Variants in ELF1 observed in about 807,000 individuals in gnomAD.
ELF1 encodes the protein ETS-related transcription factor Elf-1.
A neutral mutation model predicts 59.9 loss-of-function variants in ELF1; 24 were observed. The observed-to-expected ratio is 0.40, with a 90% CI of 0.29 to 0.56. The LOEUF is 0.56. Ranked by LOEUF, ELF1 falls within the 20% of genes least tolerant of loss-of-function variation. ELF1 has a pLI of 0.44. For missense variants in ELF1, 627 were observed against 742.2 expected (o/e 0.84, Z 1.80); for synonymous variants, 248 against 266.2 (o/e 0.93, Z 0.67).
intron 1 of ELF1, among the ~76,000 whole-genome samples, chr13:41,053,968 T>C (rs919554416): frequency 1.3e-5 from 2 of 152,076 alleles, no homozygotes; most frequent in Non-Finnish European, 1.5e-5. Context: ...CACTTTCACT[T>C]AGCCAAAAAA....
intron 1 of ELF1, among the ~76,000 whole-genome samples, chr13:41,046,921 C>T (rs1340856047): frequency 2.0e-5 from 3 of 152,180 alleles, no homozygotes; most frequent in Non-Finnish European, 4.4e-5. Context: ...TTCAGGTACA[C>T]CAATGAGACG....
intron 2 of ELF1, among the ~76,000 whole-genome samples, chr13:40,973,704 T>C (rs985661927): frequency 1.3e-5 from 2 of 152,064 alleles, no homozygotes; most frequent in Admixed American, 6.6e-5. Flanking sequence ...GGAGAAGACG[T>C]TGCCAACTCT....
At chr13:40,974,650 C>T (rs1566177164) in intron 2 of ELF1, among the ~76,000 whole-genome samples, 2 of 152,132 alleles carry the variant, frequency 1.3e-5, no homozygotes, top group Non-Finnish European at 2.9e-5. Context: ...CTACCCTATA[C>T]AATGATCTCA....
At chr13:41,034,637 A>G (rs1031576584) in intron 1 of ELF1, among the ~76,000 whole-genome samples, 1 of 152,130 alleles carries the variant, frequency 6.6e-6, no homozygotes, top group African/African-American at 2.4e-5. Context: ...AAAGGGATAA[A>G]ACAGATTCCA....
At chr13:40,991,084 A>G (rs1439743073) in intron 1 of ELF1, among the ~76,000 whole-genome samples, 1 of 152,160 alleles carries the variant, frequency 6.6e-6, no homozygotes, top group Non-Finnish European at 1.5e-5. Context: ...TCATGAGGAA[A>G]ACATCAGACA....
chr13:40,955,422 G>A (rs928322635), intron 3 of ELF1, among the ~76,000 whole-genome samples: 1 of 138,098 alleles, frequency 7.2e-6, no homozygotes, highest in African/African-American at 2.7e-5. Flanking sequence ...GAAGGAGGTG[G>A]GGGGGTCAGC....
At chr13:40,949,704 T>G (rs1870726493) in intron 5 of ELF1, 102 bp downstream of exon 5, 1 of 1,367,168 alleles carries the variant, frequency 7.3e-7, no homozygotes, top group East Asian at 2.4e-5. Flanking sequence ...TTTTCTTACA[T>G]AAGTTTTAAC....
intron 1 of ELF1, among the ~76,000 whole-genome samples, chr13:41,031,187 A>G (rs1593404046): frequency 6.6e-6 from 1 of 151,656 alleles, no homozygotes; most frequent in Non-Finnish European, 1.5e-5. Flanking sequence ...AAGAAAGAAA[A>G]AAAGAAAAGA....
At chr13:41,061,179 G>A (rs750431876) in exon 1 of ELF1, 10 of 200,018 alleles carry the variant, frequency 5.0e-5, no homozygotes, top group Non-Finnish European at 9.6e-5. Flanking sequence ...CGGAGTAGTT[G>A]GCAAAGTTGA....
rs1011152545 is a variant in ELF1 at position 41,060,872 on chromosome 13, C to A, written c.-263G>T. 5.9e-6 allele frequency: 2 copies of A among 337,286 alleles called. 1 individual carries two copies. Among genetic ancestry groups the A allele is most frequent in the Non-Finnish European group, 1.2e-5 (2 of 171,672 alleles). 20.9% of individuals were successfully genotyped at this position (337,286 alleles called of 1,614,324 possible). A position where few individuals can be genotyped will look rare whatever the true frequency, so the allele number is the denominator to read the frequency against. On this transcript the variant is annotated 5_prime_UTR_variant, in exon 1 of 2. Coordinates refer to the ELF1 transcript ENST00000405737. ...ATAAGTGCCTCTGCCTCCTTCGCCG[C>A]ACCTCTCGCCACCGCCGCCTCTGCG...
At chr13:41,017,314 C>G (rs766979316) in intron 1 of ELF1, among the ~76,000 whole-genome samples, 2 of 152,048 alleles carry the variant, frequency 1.3e-5, no homozygotes, top group African/African-American at 2.4e-5. Flanking sequence ...CTGGCACAAG[C>G]AGTTCCAGAC....
chr13:40,947,413 A>T (rs1017468935), intron 5 of ELF1, among the ~76,000 whole-genome samples: 5 of 152,224 alleles, frequency 3.3e-5, no homozygotes, highest in Non-Finnish European at 7.3e-5. Context: ...GTGGTGGCAC[A>T]TGCCTTTAAT....
Position 40,943,094 on chromosome 13 carries a change from C to T in ELF1, c.664G>A (p.Ala222Thr), listed in dbSNP as rs763510370. The change falls in exon 7 of 9, where the codon GCT (alanine) becomes ACT (threonine). Residue 222 changes from alanine to threonine, a missense_variant. This residue lies in a region of ELF1 where 34 missense variants were observed against 76.8 expected (regional missense o/e 0.44). Coordinates refer to ENST00000239882, the MANE Select transcript of ELF1 (RefSeq NM_172373.4). ...EFLLALLQDK[A>T]TCPKYIKWTQ... ...CACTTGATGTATTTAGGACAAGTAG[C>T]CTTGTCCTGGAGCAGTGCCAGTAAA... The T allele has an allele frequency of 6.2e-7, 1 of 1,602,098 alleles. No homozygotes were observed. The highest frequency in any genetic ancestry group is 1.3e-5 in the African/African-American group (1 of 74,742).
At chr13:41,041,673 T>C (rs1876617031) in intron 1 of ELF1, among the ~76,000 whole-genome samples, 2 of 151,946 alleles carry the variant, frequency 1.3e-5, no homozygotes, top group South Asian at 2.1e-4. Flanking sequence ...AGACCCTTTT[T>C]CCAGGGGGAA....
intron 1 of ELF1, among the ~76,000 whole-genome samples, chr13:41,047,471 T>C (rs1206259417): frequency 1.3e-5 from 2 of 152,090 alleles, no homozygotes; most frequent in South Asian, 4.1e-4. Flanking sequence ...GGATGTCCTT[T>C]CTGTTTGTTA....
At chr13:40,965,369 C>T (rs949318502) in intron 2 of ELF1, among the ~76,000 whole-genome samples, 4 of 152,116 alleles carry the variant, frequency 2.6e-5, no homozygotes, top group Admixed American at 2.0e-4. Flanking sequence ...CACCTGTAAC[C>T]CCAGCACTTT....
chr13:41,024,625 C>T (rs1875820234), intron 1 of ELF1, among the ~76,000 whole-genome samples: 1 of 152,158 alleles, frequency 6.6e-6, no homozygotes, highest in Non-Finnish European at 1.5e-5. Context: ...GATCCGCCTG[C>T]CTCGGCCTCC....
intron 1 of ELF1, among the ~76,000 whole-genome samples, chr13:41,040,114 T>C (rs1264535948): frequency 6.6e-6 from 1 of 152,216 alleles, no homozygotes; most frequent in Admixed American, 6.5e-5. Context: ...CAAAAGACTT[T>C]AATGCCTCTA....
intron 3 of ELF1, among the ~76,000 whole-genome samples, chr13:40,953,676 T>C (rs1215335665): frequency 6.6e-6 from 1 of 152,222 alleles, no homozygotes; most frequent in Non-Finnish European, 1.5e-5. Flanking sequence ...AAGCGCCACC[T>C]AACACGTGTA....
Sources: gnomAD v4.1 joint callset for allele counts (sites outside exome capture counted in the v4.1 genomes callset) on GRCh38, gnomAD v4.1.1 for gene constraint, gnomAD v4.1.1 regional missense constraint, MANE v1.5 for transcripts, NCBI Gene and HGNC (gene_info 2026-07-23, HGNC 2026-07-21) for gene names.